The following DPP10 variants were observed in gnomAD, a reference collection of about 807,000 sequenced individuals.
DPP10 encodes the protein dipeptidyl peptidase like 10.
DPP10 carries 33 observed loss-of-function variants against 120.9 expected under a neutral mutation model. The observed-to-expected ratio is 0.27, with a 90% CI of 0.21 to 0.37. The LOEUF is 0.37. Ranked by LOEUF, DPP10 falls within the 10% of genes least tolerant of loss-of-function variation. DPP10 has a pLI of 1.00. For synonymous variants in DPP10, 337 were observed against 326.1 expected, an observed-to-expected ratio of 1.03 and a Z score of -0.36; for missense variants, 816 against 942.8, an observed-to-expected ratio of 0.87 and a Z score of 1.76.
intron 1 of DPP10, among the ~76,000 whole-genome samples, chr2:115,205,703 A>T (rs1291770459): frequency 3.3e-5 from 5 of 152,190 alleles, no homozygotes; most frequent in Non-Finnish European, 2.9e-5. Context: ...GGCCGTAAAA[A>T]AGAATGAAAT....
chr2:115,735,323 T>C (rs557923742), intron 8 of DPP10, among the ~76,000 whole-genome samples: 15 of 152,300 alleles, frequency 9.8e-5, no homozygotes, highest in Admixed American at 7.2e-4. Context: ...GTATTTTTCA[T>C]AGAAGGTTGT....
chr2:115,281,754 A>C (rs767702148), intron 1 of DPP10, among the ~76,000 whole-genome samples: 1 of 152,168 alleles, frequency 6.6e-6, no homozygotes, highest in Non-Finnish European at 1.5e-5. Context: ...AATATACATG[A>C]TCAATATTCC....
At chr2:115,132,585 A>C (rs754179550) in intron 1 of DPP10, among the ~76,000 whole-genome samples, 4 of 152,052 alleles carry the variant, frequency 2.6e-5, no homozygotes, top group Non-Finnish European at 5.9e-5. Context: ...CTTTTTTGTC[A>C]GTCTTAGGAT....
chr2:114,627,234 G>C (rs1694579525), intron 1 of DPP10, among the ~76,000 whole-genome samples: 2 of 152,058 alleles, frequency 1.3e-5, no homozygotes, highest in African/African-American at 4.8e-5. Context: ...TTTTGAACCA[G>C]CTGCCAAGAG....
chr2:115,640,843 C>G (rs2086721385), intron 5 of DPP10, among the ~76,000 whole-genome samples: 1 of 152,122 alleles, frequency 6.6e-6, no homozygotes, highest in Non-Finnish European at 1.5e-5. Flanking sequence ...AGGAGCTGAT[C>G]ATTATACACC....
chr2:115,245,543 G>A (rs763448010), intron 1 of DPP10, among the ~76,000 whole-genome samples: 64 of 152,116 alleles, frequency 4.2e-4, no homozygotes, highest in Non-Finnish European at 2.6e-4. Flanking sequence ...ATGTAAACTA[G>A]TATAGCCACT....
intron 4 of DPP10, among the ~76,000 whole-genome samples, chr2:115,522,413 C>G (rs1237668513): frequency 6.6e-6 from 1 of 152,194 alleles, no homozygotes; most frequent in Admixed American, 6.6e-5. Flanking sequence ...CCTTCAGTGT[C>G]TGCCTGGGGG....
intron 4 of DPP10, among the ~76,000 whole-genome samples, chr2:115,508,465 T>C (rs898026052): frequency 1.3e-5 from 2 of 152,184 alleles, no homozygotes. Flanking sequence ...ACATTTACAA[T>C]TTATGACATA....
chr2:114,814,484 A>G (rs1210087257), intron 1 of DPP10, among the ~76,000 whole-genome samples: 1 of 152,060 alleles, frequency 6.6e-6, no homozygotes, highest in East Asian at 1.9e-4. Flanking sequence ...AAGTAACAAT[A>G]AGTATCTGGA....
In DPP10 at chr2:114,526,035, G is replaced by A. The variant is rs149252811; in HGVS notation, c.60+83197G>A. Among the ~76,000 whole-genome samples, 122 of 152,246 alleles carry A rather than the reference G, an allele frequency of 8.0e-4. No individual in the cohort carries two copies. The East Asian group carries it at 0.019, about 23-fold the overall frequency. Reference sequence around the variant, plus strand: ...TCGATAAGGTTAGGAATCTTCACACGTTTAACTTAATCATATCAGACACTG... The same window carrying A: ...TCGATAAGGTTAGGAATCTTCACACATTTAACTTAATCATATCAGACACTG... On this transcript the variant is annotated intron_variant, in intron 1 of 25. Coordinates refer to ENST00000410059, the MANE Select transcript of DPP10 (RefSeq NM_020868.6).
intron 3 of DPP10, among the ~76,000 whole-genome samples, chr2:115,447,349 A>G (rs2072700954): frequency 6.6e-6 from 1 of 152,192 alleles, no homozygotes; most frequent in Non-Finnish European, 1.5e-5. Context: ...GCTCTGTCTC[A>G]GATGAGACTT....
chr2:114,498,950 A>G (rs891126598), intron 1 of DPP10, among the ~76,000 whole-genome samples: 2 of 152,248 alleles, frequency 1.3e-5, no homozygotes, highest in East Asian at 1.9e-4. Flanking sequence ...TACATATGCA[A>G]TGGAATACTA....
intron 1 of DPP10, among the ~76,000 whole-genome samples, chr2:114,906,310 G>A (rs962290257): frequency 5.3e-5 from 8 of 151,970 alleles, no homozygotes; most frequent in African/African-American, 1.9e-4. Flanking sequence ...CTCAAACCTG[G>A]GAGGTGGAGG....
chr2:115,210,865 T>G (rs1559246602), intron 1 of DPP10, among the ~76,000 whole-genome samples: 1 of 152,212 alleles, frequency 6.6e-6, no homozygotes. Context: ...TTGATGGGGT[T>G]GTTTTTTTCT....
intron 1 of DPP10, among the ~76,000 whole-genome samples, chr2:114,589,491 T>A (rs1368879642): frequency 6.6e-6 from 1 of 152,200 alleles, no homozygotes; most frequent in African/African-American, 2.4e-5. Flanking sequence ...TGAGCTCCTT[T>A]TCCATAAAAA....
intron 1 of DPP10, among the ~76,000 whole-genome samples, chr2:114,582,013 A>G (rs1407589345): frequency 6.6e-6 from 1 of 152,176 alleles, no homozygotes; most frequent in South Asian, 2.1e-4. Context: ...TTGGTATTGT[A>G]CATTCTATGG....
At chr2:115,640,306 A>C (rs1241406426) in intron 5 of DPP10, among the ~76,000 whole-genome samples, 1 of 144,482 alleles carries the variant, frequency 6.9e-6, no homozygotes. Context: ...AATCACTCCC[A>C]AGAAAAATGA....
Position 114,768,833 on chromosome 2 carries a change from T to G in DPP10, c.60+325995T>G, listed in dbSNP as rs371759026. Among the ~76,000 whole-genome samples, 65 of 152,278 alleles carry G rather than the reference T, an allele frequency of 4.3e-4. No homozygotes were observed. The East Asian group carries it at 0.01, about 24-fold the overall frequency. On this transcript the variant is annotated intron_variant, in intron 1 of 25. Transcript: ENST00000410059. ...TGTACATTCAATATTTGATAAAATA[T>G]TGAATGTTCCATATTTTCATATTCA...
At chr2:114,611,837 A>T (rs2105287626) in intron 1 of DPP10, among the ~76,000 whole-genome samples, 1 of 152,322 alleles carries the variant, frequency 6.6e-6, no homozygotes. Flanking sequence ...GGTGACTGAA[A>T]TGATAGGACT....
Sources: gnomAD v4.1 joint callset for allele counts (sites outside exome capture counted in the v4.1 genomes callset) on GRCh38, gnomAD v4.1.1 for gene constraint, MANE v1.5 for transcripts, NCBI Gene and HGNC (gene_info 2026-07-23, HGNC 2026-07-21) for gene names.